The following SLC36A4 variants were observed in gnomAD, a reference collection of about 807,000 sequenced individuals.
The protein encoded by SLC36A4 is solute carrier family 36 member 4, also known as neutral amino acid uniporter 4.
SLC36A4 carries 49 observed loss-of-function variants against 50.5 expected under a neutral mutation model. That is an observed-to-expected ratio of 0.97 (90% confidence interval 0.77 to 1.23). The LOEUF is 1.23. Ranked by LOEUF, SLC36A4 falls within the 50% of genes most tolerant of loss-of-function variation. The probability of loss-of-function intolerance (pLI) is 0.00; values close to 1 mark genes in which losing one functional copy is unlikely to be tolerated. For synonymous variants in SLC36A4, 207 were observed against 206.5 expected, an observed-to-expected ratio of 1.00 and a Z score of -0.02; for missense variants, 611 against 608.4, an observed-to-expected ratio of 1.00 and a Z score of -0.05.
chr11:93,197,872 C>T lies in SLC36A4; in HGVS notation c.-40G>A. ...CAGGACGCCGCCGCCCGAGTGCTCACTCTCCCGCCGCTGCGTGGCCGGCGT... is the reference window on the plus strand; with the variant it reads ...CAGGACGCCGCCGCCCGAGTGCTCATTCTCCCGCCGCTGCGTGGCCGGCGT... On this transcript the variant is annotated 5_prime_UTR_variant, in exon 1 of 11. It adds an upstream start codon to the 5' untranslated region. Coordinates refer to ENST00000326402, the MANE Select transcript of SLC36A4 (RefSeq NM_152313.4). 1.3e-6 allele frequency: 2 copies of T among 1,510,786 alleles called. No homozygotes were observed. Among genetic ancestry groups the T allele is most frequent in the Non-Finnish European group, 1.8e-6 (2 of 1,135,812 alleles). The allele number at this position is 1,510,786 out of a possible 1,614,324, so 93.6% of individuals were successfully genotyped here.
chr11:93,186,866 A>G (rs1283454461), intron 1 of SLC36A4, among the ~76,000 whole-genome samples: 1 of 152,126 alleles, frequency 6.6e-6, no homozygotes, highest in African/African-American at 2.4e-5. Context: ...AACACACAAT[A>G]ATGGACTCCA....
rs1445797367 is a variant in SLC36A4, at chr11:93,186,887, T to C, written c.56-1073A>G. On this transcript the variant is annotated intron_variant, in intron 1 of 10. Transcript: ENST00000326402. ...CAATAATGGACTCCATCCCAAAGTT[T>C]CCCACTCAGTAAGTCTGGGGTGGGC... 2.0e-5 allele frequency among the ~76,000 whole-genome samples: 3 copies of C among 152,300 alleles called. No individual in the cohort carries two copies. The South Asian group carries it at 6.2e-4, about 32-fold the overall frequency.
intron 2 of SLC36A4, 181 bp downstream of exon 2, chr11:93,185,510 T>G: frequency 4.1e-6 from 2 of 482,554 alleles, no homozygotes; most frequent in Non-Finnish European, 7.0e-6. Context: ...CAGTAATTCC[T>G]ATACACTGCT....
chr11:93,170,178 A>G (rs773565787), intron 6 of SLC36A4: 1 of 152,114 alleles, frequency 6.6e-6, no homozygotes, highest in Admixed American at 6.6e-5. Context: ...TGGCTATCTA[A>G]TAGGACTTCC....
chr11:93,184,510 T>A lies in SLC36A4; in HGVS notation c.190A>T (p.Thr64Ser), dbSNP rs138203484. ...TTTCCTTTAAGAAGGTGCATAAGAGTTTGTACAAATCTGAAAAGTAAAAGT... is the reference window on the plus strand; with the variant it reads ...TTTCCTTTAAGAAGGTGCATAAGAGATTGTACAAATCTGAAAAGTAAAAGT... ...DDQEGISFVQ[T>S]LMHLLKGNIG... is the part of the protein sequence containing the mutation. Residue 64 changes from threonine to serine, a missense_variant, in exon 3 of 11, where the codon ACT (threonine) becomes TCT (serine). Transcript: ENST00000326402. The A allele has an allele frequency of 6.3e-7, 1 of 1,596,182 alleles. No homozygotes were observed. Among genetic ancestry groups the A allele is most frequent in the African/African-American group, 1.3e-5 (1 of 74,570 alleles).
In SLC36A4 at chr11:93,192,258, G is replaced by A. The variant is rs1043757112; in HGVS notation, c.55+5520C>T. ...TGACGAAGGAGCAGGAGTGAGCAGC[G>A]TGGATATCCTGTGGGAGGGAGAGTA... On this transcript the variant is annotated intron_variant, in intron 1 of 10. Coordinates refer to ENST00000326402, the MANE Select transcript of SLC36A4 (RefSeq NM_152313.4). 7.9e-5 allele frequency among the ~76,000 whole-genome samples: 12 copies of A among 152,154 alleles called. 1 individual carries two copies. The highest frequency in any genetic ancestry group is 4.1e-4 in the South Asian group (2 of 4,832).
chr11:93,173,518 G>C (rs1487901912), intron 6 of SLC36A4, among the ~76,000 whole-genome samples: 1 of 149,446 alleles, frequency 6.7e-6, no homozygotes, highest in African/African-American at 2.5e-5. Flanking sequence ...TGAAGTCCTT[G>C]CACATGCCTA....
intron 4 of SLC36A4, 83 bp from the exon 5 acceptor site, chr11:93,181,869 A>C (rs1214303274): frequency 4.3e-6 from 5 of 1,155,692 alleles, no homozygotes; most frequent in African/African-American, 3.2e-5. Flanking sequence ...ATAAACATAA[A>C]ATAAATGGGA....
At position 93,180,811 on chromosome 11, in the gene SLC36A4, C is replaced by T. The variant is rs762401508; in HGVS notation, c.526G>A (p.Glu176Lys). Residue 176 changes from glutamate (E) to lysine (K), a missense_variant, in exon 6 of 11, where the codon GAA becomes AAA. By Grantham distance (56) the Glu-to-Lys change is moderately conservative. Transcript: ENST00000326402. ...FCSVYIVFLA[E>K]NVKQVHEGFL... ...AAAATACTCACTTGTTTCACATTTTCAGCTAAGAAGACAATATAAACACTA... is the reference window on the plus strand; with the variant it reads ...AAAATACTCACTTGTTTCACATTTTTAGCTAAGAAGACAATATAAACACTA... 1 of 1,611,518 alleles carries T rather than the reference C, an allele frequency of 6.2e-7. No individual in the cohort carries two copies. Among genetic ancestry groups the T allele is most frequent in the Non-Finnish European group, 8.5e-7 (1 of 1,178,402 alleles).
At chr11:93,166,354 G>A (rs1373973808) in intron 7 of SLC36A4, 2 of 1,018,060 alleles carry the variant, frequency 2.0e-6, no homozygotes, top group African/African-American at 1.7e-5. Context: ...GGCCTAAGCT[G>A]AGAGCCATAT....
chr11:93,151,686 C>T (rs1860093302), intron 10 of SLC36A4, among the ~76,000 whole-genome samples: 1 of 151,946 alleles, frequency 6.6e-6, no homozygotes, highest in Admixed American at 6.6e-5. Flanking sequence ...CTTATAAAGT[C>T]ATAGTCTACT....
chr11:93,180,002 C>A, intron 6 of SLC36A4: 1 of 703,708 alleles, frequency 1.4e-6, no homozygotes, highest in South Asian at 6.5e-5. Flanking sequence ...AACCTACACA[C>A]AGGTTCTTTA....
In SLC36A4 at chr11:93,166,215, T is replaced by G. The variant is rs1360112290; in HGVS notation, c.769-199A>C. ...TTAGGATTTCACTGCCAAAAGCAAT[T>G]GTTTCCCTCATGCCCATACATTCCA... On this transcript the variant is annotated intron_variant, in intron 7 of 10. Transcript: ENST00000326402. The G allele has an allele frequency of 1.8e-5, 24 of 1,329,014 alleles. No homozygotes were observed. The Admixed American group carries it at 5.3e-4, about 29-fold the overall frequency. 82.3% of individuals were successfully genotyped at this position (1,329,014 alleles called of 1,614,324 possible).
chr11:93,180,830 A>T lies in SLC36A4; in HGVS notation c.507T>A (p.Val169=). The change falls in exon 6 of 11, where the codon GTT becomes GTA. Residue 169 remains valine (V), a synonymous_variant. Coordinates refer to ENST00000326402, the MANE Select transcript of SLC36A4 (RefSeq NM_152313.4). ...LVITQLGFCS[V]YIVFLAENVK... The stretch of plus-strand genomic sequence containing the variant: ...CATTTTCAGCTAAGAAGACAATATA[A>T]ACACTACAGAATCCCAGCTGTGTTA... 1 of 1,612,882 alleles carries T rather than the reference A, an allele frequency of 6.2e-7. No homozygotes were observed. Among genetic ancestry groups the T allele is most frequent in the Non-Finnish European group, 8.5e-7 (1 of 1,179,240 alleles).
chr11:93,181,117 A>T (rs766645996), intron 5 of SLC36A4, among the ~76,000 whole-genome samples: 1 of 152,016 alleles, frequency 6.6e-6, no homozygotes, highest in Non-Finnish European at 1.5e-5. Flanking sequence ...CCCATCTCAC[A>T]TGTCATCTTT....
Position 93,163,161 on chromosome 11 carries a change from AT to A in SLC36A4, c.868-287del, listed in dbSNP as rs547430202. ...TTAGATTTACAGAAAAGTTACAAAG[AT>A]AACACAGAGATCTCCCATATACCCC... On this transcript the variant is annotated intron_variant, in intron 8 of 10. Transcript: ENST00000326402. Among the ~76,000 whole-genome samples, 1,082 of 152,268 alleles carry A rather than the reference AT, an allele frequency of 7.1e-3. 9 individuals carry two copies. The highest frequency in any genetic ancestry group is 0.025 in the African/African-American group (1,025 of 41,538).
chr11:93,170,339 T>C (rs989505923), intron 6 of SLC36A4: 11 of 152,108 alleles, frequency 7.2e-5, no homozygotes, highest in African/African-American at 2.4e-4. Context: ...ACAATTAAAA[T>C]TCCAACAGCA....
Position 93,148,458 on chromosome 11 carries a change from T to C in SLC36A4, c.*79A>G. On this transcript the variant is annotated 3_prime_UTR_variant, in exon 11 of 11. Coordinates refer to ENST00000326402, the MANE Select transcript of SLC36A4 (RefSeq NM_152313.4). ...CAGAGTTTGTTACCATTTTTATGTATATAGCAATGTATTTTACTAGTTATC... is the reference window on the plus strand; with the variant it reads ...CAGAGTTTGTTACCATTTTTATGTACATAGCAATGTATTTTACTAGTTATC... 5 of 1,187,744 alleles carry C rather than the reference T, an allele frequency of 4.2e-6. No individual in the cohort carries two copies. 73.6% of individuals were successfully genotyped at this position (1,187,744 alleles called of 1,614,324 possible).
intron 6 of SLC36A4, among the ~76,000 whole-genome samples, chr11:93,177,506 G>A (rs536142826): frequency 4.1e-4 from 63 of 152,216 alleles, no homozygotes; most frequent in African/African-American, 1.4e-3. Flanking sequence ...GCGAGGAGCT[G>A]CGTTCCTTTG....
Sources: gnomAD v4.1 joint callset for allele counts (sites outside exome capture counted in the v4.1 genomes callset) on GRCh38, gnomAD v4.1.1 for gene constraint, MANE v1.5 for transcripts, NCBI Gene and HGNC (gene_info 2026-07-23, HGNC 2026-07-21) for gene names.